ARL14EPL: variants seen among roughly 807,000 people sequenced by gnomAD.
ARL14EPL encodes the protein ARF like GTPase 14 effector protein like, also known as ARL14 effector protein-like.
ARL14EPL carries 17 observed loss-of-function variants against 15.9 expected under a neutral mutation model. The ratio of observed to expected loss-of-function variants is 1.07; its 90% confidence interval spans 0.73 to 1.60. The LOEUF is 1.60. ARL14EPL is among the 40% of genes most tolerant of loss of function. The pLI, the probability that ARL14EPL is intolerant of heterozygous loss-of-function variation, is 0.00. For missense variants in ARL14EPL, 214 were observed against 185.9 expected (o/e 1.15, Z -0.88); for synonymous variants, 78 against 63.8 (o/e 1.22, Z -1.06).
chr5:116,058,332 A>G (rs10079032), intron 3 of ARL14EPL, among the ~76,000 whole-genome samples: 111,640 of 152,104 alleles, frequency 0.73, 41,398 homozygotes, highest in Non-Finnish European at 0.79. Context: ...GGAAAAATCT[A>G]TCAAGAATGG....
intron 1 of ARL14EPL, among the ~76,000 whole-genome samples, chr5:116,037,449 A>G (rs896054327): frequency 2.0e-5 from 3 of 152,192 alleles, no homozygotes; most frequent in East Asian, 3.9e-4. Flanking sequence ...ACCTTTGACT[A>G]TAACAGAGAT....
intron 1 of ARL14EPL, among the ~76,000 whole-genome samples, chr5:116,045,810 A>G (rs1749257164): frequency 6.6e-6 from 1 of 151,496 alleles, no homozygotes; most frequent in Non-Finnish European, 1.5e-5. Flanking sequence ...CTACAAAAGT[A>G]TGGCTAGGAA....
chr5:116,047,422 A>G (rs1394005329), intron 1 of ARL14EPL, among the ~76,000 whole-genome samples: 1 of 152,238 alleles, frequency 6.6e-6, no homozygotes, highest in Non-Finnish European at 1.5e-5. Context: ...GGTCACCTAA[A>G]TCTGACATCC....
At chr5:116,053,983 C>G in intron 2 of ARL14EPL, 31 bp from the exon 3 acceptor site, 1 of 1,503,380 alleles carries the variant, frequency 6.7e-7, no homozygotes, top group Admixed American at 2.2e-5. Context: ...CTATCTGGTT[C>G]TTACTATTAA....
In ARL14EPL at chr5:116,058,720, T is replaced by A. The variant is rs545328764; in HGVS notation, c.237-5T>A. The A allele has an allele frequency of 6.1e-5, 94 of 1,534,336 alleles. No individual in the cohort carries two copies. The African/African-American group carries it at 1.2e-3, about 20-fold the overall frequency. On this transcript the variant is annotated splice_region_variant and splice_polypyrimidine_tract_variant and intron_variant, in intron 3 of 3. Transcript: ENST00000686077. ...TCATCTTAATGTCATGCTTTTCCTT[T>A]GTAGAATAATGAGGAAGTATGACAA...
At chr5:116,050,778 C>CTCTCTCTCTCTCT (rs1749355498) in intron 1 of ARL14EPL, among the ~76,000 whole-genome samples, 1 of 117,886 alleles carries the variant, frequency 8.5e-6, no homozygotes, top group African/African-American at 3.4e-5. Context: ...TGTATGGGCT[C>CTCTCTCTCTCTCT]CATCTCTCTC....
chr5:116,043,326 G>T (rs139337527), intron 1 of ARL14EPL, among the ~76,000 whole-genome samples: 1,841 of 152,040 alleles, frequency 0.012, 13 homozygotes, highest in Non-Finnish European at 0.017. Context: ...GAGTGCTTTA[G>T]TATGTGAATC....
intron 1 of ARL14EPL, among the ~76,000 whole-genome samples, chr5:116,048,370 G>A (rs1749312082): frequency 1.3e-5 from 2 of 152,132 alleles, no homozygotes; most frequent in Admixed American, 1.3e-4. Flanking sequence ...ATCATCAGTG[G>A]AGATGGTGGC....
chr5:116,050,029 A>C lies in ARL14EPL; in HGVS notation c.-9-1428A>C, dbSNP rs189629665. ...TGTATACATATGTATCTGCTTATGA[A>C]TTCTATTTATGAATATATGCATTTT... On this transcript the variant is annotated intron_variant, in intron 1 of 3. Transcript: ENST00000686077. Among the ~76,000 whole-genome samples, 13 of 152,350 alleles carry C rather than the reference A, an allele frequency of 8.5e-5. No individual in the cohort carries two copies. The East Asian group carries it at 1.9e-3, about 23-fold the overall frequency.
At chr5:116,040,241 C>A (rs543451214) in intron 1 of ARL14EPL, among the ~76,000 whole-genome samples, 2 of 151,922 alleles carry the variant, frequency 1.3e-5, no homozygotes, top group African/African-American at 4.8e-5. Context: ...TATATAATTT[C>A]TATTATAGGC....
chr5:116,045,091 A>G (rs1035570439), intron 1 of ARL14EPL, among the ~76,000 whole-genome samples: 1 of 152,190 alleles, frequency 6.6e-6, no homozygotes, highest in Non-Finnish European at 1.5e-5. Context: ...ATGCCCTCTG[A>G]GGCTAGTAGA....
chr5:116,054,229 A>G, intron 3 of ARL14EPL, 76 bp downstream of exon 3: 15 of 1,362,280 alleles, frequency 1.1e-5, no homozygotes, highest in Non-Finnish European at 1.5e-5. Flanking sequence ...GCAATGAAAG[A>G]TTCCCTCTTT....
At chr5:116,048,943 G>A (rs923621748) in intron 1 of ARL14EPL, among the ~76,000 whole-genome samples, 1 of 152,142 alleles carries the variant, frequency 6.6e-6, no homozygotes, top group Non-Finnish European at 1.5e-5. Flanking sequence ...ATAATACAAT[G>A]TTTCTCATTT....
chr5:116,041,104 T>G (rs1749148816), intron 1 of ARL14EPL, among the ~76,000 whole-genome samples: 1 of 152,102 alleles, frequency 6.6e-6, no homozygotes, highest in South Asian at 2.1e-4. Context: ...TCTCTTGTTA[T>G]CCCCCAACAG....
At chr5:116,056,281 C>T (rs1161892187) in intron 3 of ARL14EPL, among the ~76,000 whole-genome samples, 1 of 152,108 alleles carries the variant, frequency 6.6e-6, no homozygotes, top group Non-Finnish European at 1.5e-5. Context: ...AAAAGTGTTC[C>T]TGTTTCTCCA....
Position 116,059,370 on chromosome 5 carries a change from G to C in ARL14EPL, c.*423G>C, listed in dbSNP as rs115746548. On this transcript the variant is annotated 3_prime_UTR_variant, in exon 4 of 4. Coordinates refer to ENST00000686077, the MANE Select transcript of ARL14EPL (RefSeq NM_001195581.2). ...GTCCTTAGAATCTTATACATCACTA[G>C]CTGTAAATCAGAATTGCCATTTGGA... The C allele has an allele frequency of 2.0e-3, 333 of 167,030 alleles. No homozygotes were observed. The highest frequency in any genetic ancestry group is 7.5e-3 in the African/African-American group (314 of 41,758). The allele number at this position is 167,030 out of a possible 1,614,324, so 10.3% of individuals were successfully genotyped here. A position where few individuals can be genotyped will look rare whatever the true frequency, so the allele number is the denominator to read the frequency against.
chr5:116,044,145 A>C (rs895260492), intron 1 of ARL14EPL, among the ~76,000 whole-genome samples: 1 of 152,188 alleles, frequency 6.6e-6, no homozygotes, highest in East Asian at 1.9e-4. Context: ...GGATTTTTGC[A>C]TCATTGCCAG....
At chr5:116,035,869 G>A (rs73783078) in intron 1 of ARL14EPL, among the ~76,000 whole-genome samples, 1,619 of 152,300 alleles carry the variant, frequency 0.011, 28 homozygotes, top group African/African-American at 0.037. Flanking sequence ...AGAATCCTGA[G>A]AACTGGAATT....
At chr5:116,039,485 G>A (rs911762167) in intron 1 of ARL14EPL, among the ~76,000 whole-genome samples, 3 of 152,144 alleles carry the variant, frequency 2.0e-5, no homozygotes, top group African/African-American at 7.2e-5. Context: ...TTTGAAACAA[G>A]TGATCAAATC....
Sources: gnomAD v4.1 joint callset for allele counts (sites outside exome capture counted in the v4.1 genomes callset) on GRCh38, gnomAD v4.1.1 for gene constraint, MANE v1.5 for transcripts, NCBI Gene and HGNC (gene_info 2026-07-23, HGNC 2026-07-21) for gene names.